Variants in SLC24A3 observed in about 807,000 individuals in gnomAD.
SLC24A3 encodes solute carrier family 24 member 3.
A neutral mutation model predicts 75.8 loss-of-function variants in SLC24A3; 28 were observed. That is an observed-to-expected ratio of 0.37 (90% CI 0.27 to 0.51). SLC24A3 has a LOEUF of 0.51. Ranked by LOEUF, SLC24A3 falls within the 20% of genes least tolerant of loss-of-function variation. The probability of loss-of-function intolerance (pLI) is 0.94; values close to 1 mark genes in which losing one functional copy is unlikely to be tolerated. For missense variants in SLC24A3, 663 were observed against 847.8 expected, an observed-to-expected ratio of 0.78 and a Z score of 2.71; for synonymous variants, 372 against 334.1, an observed-to-expected ratio of 1.11 and a Z score of -1.24.
At chr20:19,393,253 C>A (rs1986396420) in intron 2 of SLC24A3, among the ~76,000 whole-genome samples, 1 of 152,056 alleles carries the variant, frequency 6.6e-6, no homozygotes, top group Non-Finnish European at 1.5e-5. Flanking sequence ...ATCAGGATGG[C>A]CATTCAGGGT....
intron 6 of SLC24A3, among the ~76,000 whole-genome samples, chr20:19,599,729 C>G (rs1477662297): frequency 6.6e-6 from 1 of 152,150 alleles, no homozygotes; most frequent in Non-Finnish European, 1.5e-5. Context: ...CTTTCTGATA[C>G]CATTTCCTGA....
chr20:19,527,726 A>G (rs911980761), intron 3 of SLC24A3, among the ~76,000 whole-genome samples: 10 of 152,214 alleles, frequency 6.6e-5, no homozygotes, highest in African/African-American at 2.4e-4. Flanking sequence ...ACAGTTTAAG[A>G]GTGACTCAGA....
At chr20:19,642,488 C>T (rs1410299255) in intron 6 of SLC24A3, among the ~76,000 whole-genome samples, 1 of 152,200 alleles carries the variant, frequency 6.6e-6, no homozygotes, top group Non-Finnish European at 1.5e-5. Flanking sequence ...GTAGCTCAGG[C>T]TTCCAGGCCC....
At chr20:19,545,504 G>C (rs1356236134) in intron 3 of SLC24A3, among the ~76,000 whole-genome samples, 3 of 152,164 alleles carry the variant, frequency 2.0e-5, no homozygotes, top group Non-Finnish European at 4.4e-5. Context: ...GAGTTGAAAG[G>C]AATCAGACAA....
intron 2 of SLC24A3, among the ~76,000 whole-genome samples, chr20:19,500,167 C>A (rs561209398): frequency 7.2e-5 from 11 of 152,156 alleles, no homozygotes; most frequent in Non-Finnish European, 1.3e-4. Flanking sequence ...TCTCAAGGAA[C>A]CTGTATCCTT....
chr20:19,384,443 C>T (rs1001598134), intron 2 of SLC24A3, among the ~76,000 whole-genome samples: 1 of 152,156 alleles, frequency 6.6e-6, no homozygotes, highest in African/African-American at 2.4e-5. Context: ...TCTTTCTGAG[C>T]TTGGCTTATT....
chr20:19,623,812 T>A (rs1034480802), intron 6 of SLC24A3, among the ~76,000 whole-genome samples: 11 of 152,158 alleles, frequency 7.2e-5, no homozygotes, highest in African/African-American at 2.7e-4. Flanking sequence ...CATCTGTGGA[T>A]GAAGAGCAAA....
chr20:19,679,808 A>G (rs1353807199), intron 9 of SLC24A3, among the ~76,000 whole-genome samples: 1 of 152,250 alleles, frequency 6.6e-6, no homozygotes, highest in African/African-American at 2.4e-5. Context: ...GAATTCAAAT[A>G]AATTCCACTC....
chr20:19,416,259 T>C (rs937277907), intron 2 of SLC24A3, among the ~76,000 whole-genome samples: 5 of 152,104 alleles, frequency 3.3e-5, no homozygotes, highest in Non-Finnish European at 7.4e-5. Context: ...ACACAATCAT[T>C]TGCTAAAGTT....
chr20:19,684,025 AAAG>A, intron 10 of SLC24A3, 148 bp from the exon 11 acceptor site: 1 of 824,372 alleles, frequency 1.2e-6, no homozygotes, highest in Non-Finnish European at 1.8e-6. Context: ...AGAAATAAGG[AAAG>A]AAGAGTGGAT....
At chr20:19,360,325 A>G (rs1362566409) in intron 2 of SLC24A3, among the ~76,000 whole-genome samples, 1 of 152,226 alleles carries the variant, frequency 6.6e-6, no homozygotes, top group Non-Finnish European at 1.5e-5. Flanking sequence ...CACATCTTCA[A>G]ATGCCTCCAC....
At chr20:19,489,338 G>A in intron 2 of SLC24A3, among the ~76,000 whole-genome samples, 1 of 152,218 alleles carries the variant, frequency 6.6e-6, no homozygotes, top group South Asian at 2.1e-4. Context: ...AAGATCACAG[G>A]TTTTAATGGC....
At chr20:19,668,623 G>A (rs1450278657) in intron 8 of SLC24A3, among the ~76,000 whole-genome samples, 3 of 152,148 alleles carry the variant, frequency 2.0e-5, no homozygotes, top group Non-Finnish European at 1.5e-5. Context: ...AAATACACCA[G>A]GACAAAGTAC....
At chr20:19,577,684 A>G (rs2031160536) in intron 3 of SLC24A3, among the ~76,000 whole-genome samples, 1 of 152,236 alleles carries the variant, frequency 6.6e-6, no homozygotes, top group African/African-American at 2.4e-5. Context: ...TAATATGTGT[A>G]TATACACATA....
At chr20:19,638,859 G>A (rs949310945) in intron 6 of SLC24A3, among the ~76,000 whole-genome samples, 7 of 152,108 alleles carry the variant, frequency 4.6e-5, no homozygotes, top group Non-Finnish European at 1.0e-4. Flanking sequence ...CAGTGGGCTC[G>A]TGGGCTTGCT....
intron 15 of SLC24A3, among the ~76,000 whole-genome samples, chr20:19,707,404 T>C (rs568622232): frequency 2.6e-5 from 4 of 152,370 alleles, no homozygotes; most frequent in Admixed American, 2.6e-4. Context: ...AGTTTAACTT[T>C]AGCCCCTAAA....
At chr20:19,656,623 TTTTTTTCAAAAGACATGG>T (rs2032270014) in intron 7 of SLC24A3, among the ~76,000 whole-genome samples, 1 of 147,542 alleles carries the variant, frequency 6.8e-6, no homozygotes, top group Admixed American at 6.6e-5. Flanking sequence ...TGAAAAAAAT[TTTTTTTCAAAAGACATGG>T]TTAGGGAACA....
At position 19,677,706 on chromosome 20, in the gene SLC24A3, T is replaced by A. The variant is rs74773878; in HGVS notation, c.767+4052T>A. Among the ~76,000 whole-genome samples the A allele has an allele frequency of 3.4e-3, 459 of 134,652 alleles. 3 individuals are homozygous for A. The highest frequency in any genetic ancestry group is 0.01 in the African/African-American group (358 of 34,588). The allele number at this position is 134,652 out of a possible 152,430, so 88.3% of individuals were successfully genotyped here. A position where few individuals can be genotyped will look rare whatever the true frequency, so the allele number is the denominator to read the frequency against. On this transcript the variant is annotated intron_variant, in intron 9 of 16. Coordinates refer to ENST00000328041, the MANE Select transcript of SLC24A3 (RefSeq NM_020689.4). ...TTTTTCTTTTTTTTTTTTTTTTTTT[T>A]AATTTTCATTTTTATTTTTATTGAT...
intron 6 of SLC24A3, among the ~76,000 whole-genome samples, chr20:19,651,529 C>A (rs1242949388): frequency 6.6e-6 from 1 of 151,706 alleles, no homozygotes. Context: ...TTATTGTGCA[C>A]TCAATGAAAT....
Sources: allele counts gnomAD v4.1 joint callset (sites outside exome capture counted in the v4.1 genomes callset), GRCh38; gene constraint gnomAD v4.1.1; transcripts MANE v1.5; gene names NCBI Gene and HGNC (gene_info 2026-07-23, HGNC 2026-07-21).